The following SEC16B variants were observed in gnomAD, a reference collection of about 807,000 sequenced individuals.
SEC16B encodes SEC16 homolog B, endoplasmic reticulum export factor, also known as protein transport protein Sec16B.
SEC16B carries 115 observed loss-of-function variants against 141.8 expected under a neutral mutation model. The observed-to-expected ratio is 0.81, with a 90% confidence interval of 0.70 to 0.95. The LOEUF (loss-of-function observed/expected upper bound fraction) is 0.95. Among genes scored for constraint, SEC16B ranks in the 40% least tolerant of loss-of-function variants. The pLI is 0.00. For missense variants in SEC16B, 1,291 were observed against 1,312.3 expected (o/e 0.98, Z 0.25); for synonymous variants, 493 against 492.5 (o/e 1.00, Z -0.01).
At chr1:177,969,713 C>T (rs1269718187) in intron 1 of SEC16B, among the ~76,000 whole-genome samples, 171 bp downstream of exon 1, 1 of 152,196 alleles carries the variant, frequency 6.6e-6, no homozygotes, top group Admixed American at 6.5e-5. Flanking sequence ...ATAAATAACA[C>T]CTTCGATTCT....
intron 10 of SEC16B, among the ~76,000 whole-genome samples, chr1:177,956,186 A>T (rs1652588152): frequency 6.6e-6 from 1 of 152,166 alleles, no homozygotes; most frequent in African/African-American, 2.4e-5. Context: ...TCTATATCCA[A>T]AATGAAGTTT....
intron 3 of SEC16B, among the ~76,000 whole-genome samples, 200 bp from the exon 4 acceptor site, chr1:177,965,367 A>AT (rs1469184308): frequency 6.6e-6 from 1 of 150,818 alleles, no homozygotes; most frequent in Non-Finnish European, 1.5e-5. Context: ...ACTAGTTAGC[A>AT]TGGATCTATA....
intron 20 of SEC16B, among the ~76,000 whole-genome samples, chr1:177,934,891 C>T (rs1351869456): frequency 6.6e-6 from 1 of 152,072 alleles, no homozygotes; most frequent in East Asian, 1.9e-4. Flanking sequence ...AATGATCCAC[C>T]AGAATGCGAG....
At position 177,968,059 on chromosome 1, in the gene SEC16B, GA is replaced by G; in HGVS notation, c.-58-21del. 7.2e-7 allele frequency: 1 copy of G among 1,395,906 alleles called. No homozygotes were observed. Among genetic ancestry groups the G allele is most frequent in the Non-Finnish European group, 9.6e-7 (1 of 1,045,618 alleles). The allele number at this position is 1,395,906 out of a possible 1,614,324, so 86.5% of individuals were successfully genotyped here. A position where few individuals can be genotyped will look rare whatever the true frequency, so the allele number is the denominator to read the frequency against. Reference sequence around the variant, plus strand: ...ATCTTCCTGCAGACAAAAGAAAAAGGAAAAAATCATCACTTGAAGCCTATAT... The same window carrying G: ...ATCTTCCTGCAGACAAAAGAAAAAGGAAAAATCATCACTTGAAGCCTATAT... On this transcript the variant is annotated intron_variant, in intron 1 of 25. Transcript: ENST00000308284.
chr1:177,945,895 C>T, intron 14 of SEC16B: 1 of 178,988 alleles, frequency 5.6e-6, no homozygotes, highest in East Asian at 1.6e-4. Context: ...GGGCCTCCTG[C>T]AGGAAAAGCC....
In SEC16B at chr1:177,936,242, T is replaced by C. The variant is rs1571308975; in HGVS notation, c.2571+56A>G. 4 of 1,466,990 alleles carry C rather than the reference T, an allele frequency of 2.7e-6. No homozygotes were observed. In the East Asian group the frequency reaches 9.4e-5, roughly 35 times the overall value. The allele number at this position is 1,466,990 out of a possible 1,614,324, so 90.9% of individuals were successfully genotyped here. A position where few individuals can be genotyped will look rare whatever the true frequency, so the allele number is the denominator to read the frequency against. On this transcript the variant is annotated intron_variant, in intron 20 of 25. Coordinates refer to ENST00000308284, the MANE Select transcript of SEC16B (RefSeq NM_033127.4). ...GTGGCTGGGAAACCAAGGCAACTGG[T>C]AAAAACCAGAAGCATTTGAGTGGGC...
upstream of SEC16B, chr1:177,973,374 C>G (rs910049370): frequency 1.3e-5 from 2 of 152,188 alleles, no homozygotes; most frequent in African/African-American, 4.8e-5. Flanking sequence ...AGTAGTTATC[C>G]ACCAGGTAAT....
At chr1:177,957,564 A>C (rs879759922) in intron 10 of SEC16B, among the ~76,000 whole-genome samples, 1 of 152,210 alleles carries the variant, frequency 6.6e-6, no homozygotes, top group Non-Finnish European at 1.5e-5. Flanking sequence ...GGAGTAAAAA[A>C]TATGAGATAT....
At chr1:177,947,774 G>T (rs78879572) in intron 13 of SEC16B, 51 bp downstream of exon 13, 719 of 443,232 alleles carry the variant, frequency 1.6e-3, no homozygotes, top group African/African-American at 2.8e-3. Flanking sequence ...GGAGGGGAGG[G>T]GAGGGAAGGG....
intron 8 of SEC16B, chr1:177,959,959 G>A (rs1652926090): frequency 4.1e-6 from 1 of 244,542 alleles, no homozygotes; most frequent in Admixed American, 5.1e-5. Context: ...ACCTCTCCAG[G>A]AAAAAGCCAC....
intron 1 of SEC16B, among the ~76,000 whole-genome samples, chr1:177,982,688 G>A (rs546335586): frequency 1.3e-5 from 2 of 152,246 alleles, no homozygotes; most frequent in Non-Finnish European, 2.9e-5. Context: ...GGTATTTTCT[G>A]TTCTACTTGA....
intron 18 of SEC16B, among the ~76,000 whole-genome samples, chr1:177,939,463 A>T (rs1340347814): frequency 1.3e-5 from 2 of 152,204 alleles, no homozygotes; most frequent in Non-Finnish European, 2.9e-5. Context: ...AAACACTCAG[A>T]TATTTAAAAA....
chr1:177,946,353 C>T (rs1165749209), intron 14 of SEC16B, 67 bp downstream of exon 14: 7 of 1,188,008 alleles, frequency 5.9e-6, no homozygotes, highest in East Asian at 5.1e-5. Context: ...ATCCATAAAA[C>T]CCAACAAGGG....
chr1:177,937,677 T>C (rs1650958933), intron 18 of SEC16B, among the ~76,000 whole-genome samples, 164 bp from the exon 19 acceptor site: 1 of 152,204 alleles, frequency 6.6e-6, no homozygotes, highest in African/African-American at 2.4e-5. Context: ...AACACAGTGA[T>C]TGTAACATCC....
In SEC16B at chr1:177,932,480, G is replaced by T. The variant is rs540124813; in HGVS notation, c.3012+10C>A. On this transcript the variant is annotated intron_variant, in intron 24 of 25. Transcript: ENST00000308284. ...GGGGTCCGAGGCTCCAGCCCAGGGG[G>T]GCCGCTTACCTCTGGTCCAGACAAG... The T allele has an allele frequency of 3.3e-6, 5 of 1,524,892 alleles. No individual in the cohort carries two copies. The Admixed American group carries it at 8.6e-5, about 26-fold the overall frequency. 94.5% of individuals were successfully genotyped at this position (1,524,892 alleles called of 1,614,324 possible). A position where few individuals can be genotyped will look rare whatever the true frequency, so the allele number is the denominator to read the frequency against.
At position 177,947,921 on chromosome 1, in the gene SEC16B, C is replaced by A. The variant is rs1323750507; in HGVS notation, c.1567G>T (p.Gly523Ter). ...AATCCGEKQW[G>*]DWRPHLAVIL... The stretch of plus-strand genomic sequence containing the variant: ...ACAGCCAAGTGAGGCCTCCAGTCTC[C>A]CCACTGCTTTTCTCCACAACACTGA... Residue 523 changes from glycine to a stop codon, truncating the protein, a stop_gained, in exon 13 of 26, where the codon GGA becomes TGA. Transcript: ENST00000308284. LOFTEE classifies it high-confidence loss of function. The A allele has an allele frequency of 6.4e-7, 1 of 1,556,138 alleles. No homozygotes were observed.
chr1:177,976,687 C>T (rs1393763795), intron 1 of SEC16B, among the ~76,000 whole-genome samples: 2 of 152,106 alleles, frequency 1.3e-5, no homozygotes, highest in African/African-American at 4.8e-5. Context: ...TGGCAAATCA[C>T]AAAATGCACA....
chr1:177,972,395 A>G (rs939332570), upstream of SEC16B, among the ~76,000 whole-genome samples: 11 of 152,114 alleles, frequency 7.2e-5, no homozygotes, highest in Non-Finnish European at 8.8e-5. Flanking sequence ...TTCTAAACCA[A>G]ATTGACCCAG....
upstream of SEC16B, among the ~76,000 whole-genome samples, chr1:177,973,971 G>C (rs1207031217): frequency 6.6e-6 from 1 of 152,060 alleles, no homozygotes; most frequent in Non-Finnish European, 1.5e-5. Flanking sequence ...CAGCTGTGGA[G>C]AGACTGGAGG....
Sources: gnomAD v4.1 joint callset for allele counts (sites outside exome capture counted in the v4.1 genomes callset) on GRCh38, gnomAD v4.1.1 for gene constraint, MANE v1.5 for transcripts, NCBI Gene and HGNC (gene_info 2026-07-23, HGNC 2026-07-21) for gene names.